Variants in WBP1L observed in about 807,000 individuals in gnomAD.
The protein encoded by WBP1L is WW domain binding protein 1-like.
Under a neutral mutation model 33.7 loss-of-function variants are expected in WBP1L, and 17 were observed. The ratio of observed to expected loss-of-function variants is 0.50; its 90% confidence interval spans 0.34 to 0.76. The LOEUF is 0.76. WBP1L is among the 30% of genes least tolerant of loss of function. The probability of loss-of-function intolerance (pLI) is 0.01; values close to 1 mark genes in which losing one functional copy is unlikely to be tolerated. For synonymous variants in WBP1L, 173 were observed against 190.8 expected, an observed-to-expected ratio of 0.91 and a Z score of 0.77; for missense variants, 389 against 469.4, an observed-to-expected ratio of 0.83 and a Z score of 1.58.
intron 1 of WBP1L, among the ~76,000 whole-genome samples, chr10:102,783,750 A>G (rs1462503980): frequency 6.6e-6 from 1 of 152,204 alleles, no homozygotes. Flanking sequence ...TAAACATCCT[A>G]CAATGTACAG....
intron 1 of WBP1L, among the ~76,000 whole-genome samples, chr10:102,775,800 G>A (rs1315179229): frequency 1.3e-5 from 2 of 152,120 alleles, no homozygotes; most frequent in Non-Finnish European, 2.9e-5. Flanking sequence ...AAGTTTCTGT[G>A]AAACTGACAG....
intron 1 of WBP1L, among the ~76,000 whole-genome samples, chr10:102,770,574 T>C (rs888998651): frequency 2.0e-5 from 3 of 152,192 alleles, no homozygotes; most frequent in Admixed American, 2.0e-4. Flanking sequence ...CCAAGAGCCA[T>C]GTCCTAGGAA....
At chr10:102,756,075 C>G (rs1842972397) in intron 1 of WBP1L, among the ~76,000 whole-genome samples, 1 of 150,932 alleles carries the variant, frequency 6.6e-6, no homozygotes, top group Admixed American at 6.6e-5. Flanking sequence ...ATATAGAGAA[C>G]CATAACATTG....
intron 1 of WBP1L, among the ~76,000 whole-genome samples, chr10:102,758,384 C>G (rs1270992716): frequency 6.6e-6 from 1 of 152,210 alleles, no homozygotes; most frequent in African/African-American, 2.4e-5. Flanking sequence ...ATTTTCTTCC[C>G]TCCAGTCCCT....
intron 1 of WBP1L, among the ~76,000 whole-genome samples, chr10:102,777,072 C>CT (rs2134042704): frequency 6.6e-6 from 1 of 152,204 alleles, no homozygotes; most frequent in South Asian, 2.1e-4. Context: ...TCATTCCAGC[C>CT]GGTAAAGCAG....
At chr10:102,753,893 G>A (rs1192310091) in intron 1 of WBP1L, among the ~76,000 whole-genome samples, 1 of 152,226 alleles carries the variant, frequency 6.6e-6, no homozygotes, top group African/African-American at 2.4e-5. Context: ...CAAATGTTAT[G>A]TTGTAACACT....
chr10:102,810,146 G>T, intron 3 of WBP1L, 92 bp downstream of exon 3: 1 of 1,496,202 alleles, frequency 6.7e-7, no homozygotes, highest in Non-Finnish European at 8.9e-7. Flanking sequence ...GGCTCCTGTA[G>T]GCATAGGGGG....
chr10:102,773,998 G>T (rs1287221540), intron 1 of WBP1L, among the ~76,000 whole-genome samples: 1 of 152,218 alleles, frequency 6.6e-6, no homozygotes, highest in African/African-American at 2.4e-5. Context: ...CATTCAGTGA[G>T]CGTGGAGTGA....
chr10:102,766,403 T>C (rs1412457524), intron 1 of WBP1L, among the ~76,000 whole-genome samples: 4 of 137,892 alleles, frequency 2.9e-5, no homozygotes, highest in Admixed American at 7.9e-5. Flanking sequence ...ATCGCACCAT[T>C]GCACTCCAGC....
chr10:102,802,071 C>T (rs1843665719), intron 2 of WBP1L, among the ~76,000 whole-genome samples: 1 of 90,886 alleles, frequency 1.1e-5, no homozygotes, highest in African/African-American at 4.4e-5. Flanking sequence ...TACCCTTCCC[C>T]CAGCCTTTCC....
chr10:102,793,198 T>C (rs117385011), intron 1 of WBP1L, among the ~76,000 whole-genome samples: 4,206 of 152,224 alleles, frequency 0.028, 86 homozygotes, highest in Non-Finnish European at 0.043. Flanking sequence ...CCCAGCACTT[T>C]GGGAGGCCAA....
At chr10:102,763,315 G>A (rs1030946242) in intron 1 of WBP1L, among the ~76,000 whole-genome samples, 1 of 151,962 alleles carries the variant, frequency 6.6e-6, no homozygotes, top group Non-Finnish European at 1.5e-5. Flanking sequence ...AAATATAGGA[G>A]ATTTGGGGTT....
intron 1 of WBP1L, among the ~76,000 whole-genome samples, chr10:102,770,426 GTTAC>G (rs1347076959): frequency 6.6e-6 from 1 of 152,332 alleles, no homozygotes; most frequent in East Asian, 1.9e-4. Flanking sequence ...AAGCCTGGCA[GTTAC>G]TGTCCTGTTC....
intron 1 of WBP1L, among the ~76,000 whole-genome samples, chr10:102,791,110 G>C (rs1431102973): frequency 2.0e-5 from 3 of 152,116 alleles, no homozygotes; most frequent in African/African-American, 7.2e-5. Flanking sequence ...CGCCAGCTTT[G>C]TACTGGTTCT....
At chr10:102,773,961 C>A (rs1274370175) in intron 1 of WBP1L, among the ~76,000 whole-genome samples, 1 of 152,108 alleles carries the variant, frequency 6.6e-6, no homozygotes, top group African/African-American at 2.4e-5. Context: ...TCCCCAGTGC[C>A]TAAAACAATG....
At chr10:102,752,115 C>T (rs573034249) in intron 1 of WBP1L, among the ~76,000 whole-genome samples, 4 of 152,112 alleles carry the variant, frequency 2.6e-5, no homozygotes, top group Non-Finnish European at 5.9e-5. Context: ...TAGTCACTGT[C>T]ACAGCTTGGG....
intron 1 of WBP1L, among the ~76,000 whole-genome samples, chr10:102,757,876 T>TCC (rs377211700): frequency 8.2e-4 from 32 of 39,164 alleles, no homozygotes; most frequent in South Asian, 3.9e-3. Flanking sequence ...GTACCTGCCC[T>TCC]CCCCCCCCCC....
chr10:102,784,163 G>A (rs528696087), intron 1 of WBP1L, among the ~76,000 whole-genome samples: 90 of 151,986 alleles, frequency 5.9e-4, no homozygotes, highest in Non-Finnish European at 9.6e-4. Flanking sequence ...TCAAATAACC[G>A]GGATTACTAC....
intron 2 of WBP1L, among the ~76,000 whole-genome samples, chr10:102,801,812 G>GT (rs1305787711): frequency 6.6e-6 from 1 of 151,868 alleles, no homozygotes; most frequent in African/African-American, 2.4e-5. Context: ...TGCCCAACTC[G>GT]TTTTTCATTT....
Sources: gnomAD v4.1 joint callset for allele counts (sites outside exome capture counted in the v4.1 genomes callset) on GRCh38, gnomAD v4.1.1 for gene constraint, MANE v1.5 for transcripts, NCBI Gene and HGNC (gene_info 2026-07-23, HGNC 2026-07-21) for gene names.